Variants in MINDY4 observed in about 807,000 individuals in gnomAD.
MINDY4 encodes probable ubiquitin carboxyl-terminal hydrolase MINDY-4.
Under a neutral mutation model 87.0 loss-of-function variants are expected in MINDY4, and 68 were observed. The ratio of observed to expected loss-of-function variants is 0.78; its 90% CI spans 0.64 to 0.96. The LOEUF (loss-of-function observed/expected upper bound fraction) is 0.96. Ranked by LOEUF, MINDY4 falls within the 40% of genes least tolerant of loss-of-function variation. The probability of loss-of-function intolerance (pLI) is 0.00; values close to 1 mark genes in which losing one functional copy is unlikely to be tolerated. For missense variants in MINDY4, 919 were observed against 928.2 expected (o/e 0.99, Z 0.13); for synonymous variants, 379 against 363.2 (o/e 1.04, Z -0.50).
Position 30,771,887 on chromosome 7 carries a change from G to A in MINDY4, c.63+331G>A, listed in dbSNP as rs575960573. Among the ~76,000 whole-genome samples the A allele has an allele frequency of 7.7e-4, 118 of 152,342 alleles. 1 individual carries two copies. Among genetic ancestry groups the A allele is most frequent in the African/African-American group, 2.7e-3 (114 of 41,586 alleles). On this transcript the variant is annotated intron_variant, in intron 1 of 17. Transcript: ENST00000265299. Reference sequence around the variant, plus strand: ...CAATCCTAGCGCGGGCGCACAGCGGGCAGGCCTGCGCCCTAGCCTGGCTGC... The same window carrying A: ...CAATCCTAGCGCGGGCGCACAGCGGACAGGCCTGCGCCCTAGCCTGGCTGC...
intron 5 of MINDY4, among the ~76,000 whole-genome samples, chr7:30,817,841 C>G (rs1324489406): frequency 6.6e-6 from 1 of 152,234 alleles, no homozygotes; most frequent in East Asian, 1.9e-4. Context: ...ATCTAACCCT[C>G]TTGTTCATTG....
intron 5 of MINDY4, among the ~76,000 whole-genome samples, chr7:30,796,512 T>A (rs994805826): frequency 1.3e-5 from 2 of 152,218 alleles, no homozygotes; most frequent in Admixed American, 1.3e-4. Context: ...GATTTTAAAT[T>A]AAGCATTTTA....
At chr7:30,882,412 C>G in intron 16 of MINDY4, 51 bp downstream of exon 16, 1 of 1,427,884 alleles carries the variant, frequency 7.0e-7, no homozygotes. Flanking sequence ...AAGGAGCCTC[C>G]AGGCTGGTCA....
chr7:30,793,831 G>T lies in MINDY4; in HGVS notation c.1073+2257G>T, dbSNP rs112170932. On this transcript the variant is annotated intron_variant, in intron 5 of 17. Transcript: ENST00000265299. ...TATAATTCACACTTCCTCCGTTAGG[G>T]TGGAGTGATTAAAGAGGGGAAGAAT... Among the ~76,000 whole-genome samples the T allele has an allele frequency of 1.3e-4, 20 of 152,316 alleles. 2 individuals are homozygous for T. The highest frequency in any genetic ancestry group is 4.3e-4 in the African/African-American group (18 of 41,564).
chr7:30,836,205 A>G (rs996461557), intron 6 of MINDY4, among the ~76,000 whole-genome samples: 3 of 152,226 alleles, frequency 2.0e-5, no homozygotes, highest in Non-Finnish European at 4.4e-5. Flanking sequence ...TTTATCAGCA[A>G]TGGTTCCATT....
chr7:30,840,025 C>T (rs1227552857), intron 8 of MINDY4, among the ~76,000 whole-genome samples: 2 of 152,142 alleles, frequency 1.3e-5, no homozygotes, highest in African/African-American at 4.8e-5. Context: ...CCAGGACCAC[C>T]AGCTTCTGTC....
chr7:30,786,718 A>G (rs1463621990), intron 4 of MINDY4: 1 of 142,312 alleles, frequency 7.0e-6, no homozygotes, highest in Non-Finnish European at 1.6e-5. Context: ...CCCAAGCCTT[A>G]TAGTTTCATT....
At chr7:30,779,738 G>A (rs1786949784) in intron 2 of MINDY4, 1 of 152,206 alleles carries the variant, frequency 6.6e-6, no homozygotes, top group Non-Finnish European at 1.5e-5. Context: ...CTAGAACCAG[G>A]TGTTTTGATT....
intron 1 of MINDY4, among the ~76,000 whole-genome samples, chr7:30,776,007 A>G (rs1283555582): frequency 2.0e-5 from 3 of 152,190 alleles, no homozygotes; most frequent in Non-Finnish European, 4.4e-5. Flanking sequence ...CAGAGCACAT[A>G]CAGAATGTAG....
chr7:30,890,157 C>T (rs1790755265), intron 17 of MINDY4, among the ~76,000 whole-genome samples: 1 of 152,232 alleles, frequency 6.6e-6, no homozygotes, highest in South Asian at 2.1e-4. Context: ...GTGTAACATT[C>T]CTGGCTGAGC....
chr7:30,813,349 C>T (rs1788060863), intron 5 of MINDY4, among the ~76,000 whole-genome samples: 1 of 152,220 alleles, frequency 6.6e-6, no homozygotes, highest in South Asian at 2.1e-4. Context: ...GTTCAATCCC[C>T]AGGTCCTGAA....
chr7:30,823,557 A>T (rs1788405398), intron 5 of MINDY4, among the ~76,000 whole-genome samples: 1 of 151,988 alleles, frequency 6.6e-6, no homozygotes, highest in African/African-American at 2.4e-5. Context: ...TTATATGCCC[A>T]TTATTTCAAT....
chr7:30,854,149 C>T (rs896112338), intron 12 of MINDY4, among the ~76,000 whole-genome samples: 18 of 152,320 alleles, frequency 1.2e-4, no homozygotes, highest in Admixed American at 1.2e-3. Flanking sequence ...AGAACACGGT[C>T]TCTGGAGCCA....
At chr7:30,798,425 T>C (rs1031102363) in intron 5 of MINDY4, among the ~76,000 whole-genome samples, 2 of 152,126 alleles carry the variant, frequency 1.3e-5, no homozygotes, top group East Asian at 3.9e-4. Context: ...TTCCCTGAAA[T>C]GAAGACTGTG....
chr7:30,862,953 T>A (rs541237765), intron 13 of MINDY4, among the ~76,000 whole-genome samples: 1 of 152,306 alleles, frequency 6.6e-6, no homozygotes, highest in East Asian at 1.9e-4. Flanking sequence ...CGGAATGACT[T>A]TGATTAGAGC....
chr7:30,863,660 A>C (rs1429235253), intron 13 of MINDY4, among the ~76,000 whole-genome samples: 1 of 152,164 alleles, frequency 6.6e-6, no homozygotes, highest in Non-Finnish European at 1.5e-5. Context: ...GGACAGATGT[A>C]AACCTAGCCG....
Position 30,785,996 on chromosome 7 carries a change from G to C in MINDY4, c.663+4G>C. The stretch of plus-strand genomic sequence containing the variant: ...GCCCATCGCCAGCTCCCCACAGGTG[G>C]GGCTGTTGCTCTTTCTGTTGTTATG... On this transcript the variant is annotated splice_donor_region_variant and intron_variant, in intron 4 of 17. Coordinates refer to ENST00000265299, the MANE Select transcript of MINDY4 (RefSeq NM_032222.3). The C allele has an allele frequency of 1.2e-6, 2 of 1,613,696 alleles. No homozygotes were observed.
intron 5 of MINDY4, among the ~76,000 whole-genome samples, chr7:30,828,268 A>C (rs894379432): frequency 6.6e-6 from 1 of 152,208 alleles, no homozygotes; most frequent in Non-Finnish European, 1.5e-5. Context: ...CAAACAAAAA[A>C]CATAGAGATG....
intron 5 of MINDY4, among the ~76,000 whole-genome samples, chr7:30,799,272 G>T (rs952654055): frequency 8.5e-5 from 13 of 152,078 alleles, no homozygotes; most frequent in African/African-American, 3.1e-4. Context: ...TGATTCAGTT[G>T]ACCTCTCTAA....
Sources: gnomAD v4.1 joint callset for allele counts (sites outside exome capture counted in the v4.1 genomes callset) on GRCh38, gnomAD v4.1.1 for gene constraint, MANE v1.5 for transcripts, NCBI Gene and HGNC (gene_info 2026-07-23, HGNC 2026-07-21) for gene names.